SHISA9: variants seen among roughly 807,000 people sequenced by gnomAD.
SHISA9 encodes shisa family member 9.
SHISA9 carries 13 observed loss-of-function variants against 38.0 expected under a neutral mutation model. The observed-to-expected ratio is 0.34, with a 90% CI of 0.22 to 0.54. The LOEUF (loss-of-function observed/expected upper bound fraction) is 0.54, where lower values mean the gene tolerates loss of function less well. Among genes scored for constraint, SHISA9 ranks in the 20% least tolerant of loss-of-function variants. The pLI is 0.91. For synonymous variants in SHISA9, 275 were observed against 242.0 expected, an observed-to-expected ratio of 1.14 and a Z score of -1.27; for missense variants, 538 against 575.8, an observed-to-expected ratio of 0.93 and a Z score of 0.67.
intron 2 of SHISA9, among the ~76,000 whole-genome samples, chr16:12,973,424 A>G (rs896121914): frequency 6.6e-6 from 1 of 152,226 alleles, no homozygotes; most frequent in African/African-American, 2.4e-5. Flanking sequence ...CTTAACTTCC[A>G]TAAAGATATA....
the SHISA9 span, among the ~76,000 whole-genome samples, chr16:13,415,598 G>A: frequency 1.3e-5 from 2 of 152,008 alleles, no homozygotes; most frequent in Non-Finnish European, 2.9e-5. Context: ...GGTTAAATAC[G>A]AATAAAATAA....
chr16:13,324,995 G>A, the SHISA9 span, among the ~76,000 whole-genome samples: 1 of 152,170 alleles, frequency 6.6e-6, no homozygotes, highest in Non-Finnish European at 1.5e-5. Context: ...ATAAAGAAAT[G>A]CTTGAGTTTA....
chr16:13,444,861 A>G, the SHISA9 span, among the ~76,000 whole-genome samples: 1 of 149,478 alleles, frequency 6.7e-6, no homozygotes, highest in African/African-American at 2.5e-5. Context: ...TCTGTCACCC[A>G]GGCTGGAGTG....
chr16:13,486,391 G>A, the SHISA9 span, among the ~76,000 whole-genome samples: 2 of 152,186 alleles, frequency 1.3e-5, no homozygotes, highest in Non-Finnish European at 2.9e-5. Flanking sequence ...TGGCTTCCAA[G>A]AATAATCCTA....
the SHISA9 span, among the ~76,000 whole-genome samples, chr16:13,269,720 G>T: frequency 6.6e-6 from 1 of 152,194 alleles, no homozygotes; most frequent in African/African-American, 2.4e-5. Context: ...ATATACTAGA[G>T]GTGGTATGGA....
chr16:13,037,343 C>G (rs1325194740), intron 2 of SHISA9, among the ~76,000 whole-genome samples: 2 of 151,720 alleles, frequency 1.3e-5, no homozygotes, highest in Non-Finnish European at 2.9e-5. Flanking sequence ...TACAAAATTA[C>G]TTGTCAGGAA....
intron 2 of SHISA9, among the ~76,000 whole-genome samples, chr16:13,033,452 C>T (rs1216272618): frequency 1.3e-5 from 2 of 152,148 alleles, no homozygotes; most frequent in East Asian, 3.9e-4. Flanking sequence ...TTTTCAGAAG[C>T]CTTTCTTTTT....
intron 2 of SHISA9, among the ~76,000 whole-genome samples, chr16:12,974,151 A>G (rs2072123098): frequency 6.6e-6 from 1 of 152,160 alleles, no homozygotes; most frequent in African/African-American, 2.4e-5. Context: ...AGAGAACGGC[A>G]ATGAAGTCCT....
chr16:13,037,991 T>C (rs2073093991), intron 2 of SHISA9, among the ~76,000 whole-genome samples: 1 of 152,146 alleles, frequency 6.6e-6, no homozygotes, highest in African/African-American at 2.4e-5. Flanking sequence ...ATGTTCTGTT[T>C]AATTGTTTCT....
chr16:13,093,844 G>A (rs2073799694), intron 2 of SHISA9, among the ~76,000 whole-genome samples: 1 of 152,182 alleles, frequency 6.6e-6, no homozygotes, highest in South Asian at 2.1e-4. Flanking sequence ...TAGTTCAGAT[G>A]CAATTGTTGC....
At chr16:13,292,813 G>C in the SHISA9 span, among the ~76,000 whole-genome samples, 1 of 152,144 alleles carries the variant, frequency 6.6e-6, no homozygotes, top group South Asian at 2.1e-4. Context: ...AAAAAAATTT[G>C]TCAAGGACCA....
chr16:13,098,213 C>T (rs1226774399), intron 2 of SHISA9, among the ~76,000 whole-genome samples: 2 of 152,104 alleles, frequency 1.3e-5, no homozygotes, highest in Admixed American at 1.3e-4. Context: ...CACTTAGGGC[C>T]TCAGGCAAGC....
chr16:13,050,346 G>T (rs11640645), intron 2 of SHISA9, among the ~76,000 whole-genome samples: 4,445 of 152,018 alleles, frequency 0.029, 98 homozygotes, highest in Non-Finnish European at 0.048. Flanking sequence ...AATTTGAGAT[G>T]AAATTAAATG....
chr16:13,210,551 A>G (rs2051109143), intron 3 of SHISA9, among the ~76,000 whole-genome samples: 3 of 152,354 alleles, frequency 2.0e-5, no homozygotes, highest in African/African-American at 7.2e-5. Context: ...GCAACAATAC[A>G]CTTCAATATG....
the SHISA9 span, among the ~76,000 whole-genome samples, chr16:13,555,750 T>C: frequency 1.3e-5 from 2 of 152,184 alleles, no homozygotes; most frequent in Non-Finnish European, 2.9e-5. Context: ...CCTTGTTCTC[T>C]TCCTGAGGCC....
chr16:13,016,429 G>A (rs1300635281), intron 2 of SHISA9, among the ~76,000 whole-genome samples: 1 of 152,170 alleles, frequency 6.6e-6, no homozygotes, highest in African/African-American at 2.4e-5. Context: ...AATAGAGAAT[G>A]AGTAAGAAAG....
chr16:12,942,289 C>T (rs766967164), intron 2 of SHISA9, among the ~76,000 whole-genome samples: 9 of 152,160 alleles, frequency 5.9e-5, no homozygotes, highest in Non-Finnish European at 1.0e-4. Flanking sequence ...TGAGCTTGCA[C>T]TGAGAGGGAA....
chr16:13,320,439 C>T, the SHISA9 span, among the ~76,000 whole-genome samples: 1 of 151,952 alleles, frequency 6.6e-6, no homozygotes, highest in African/African-American at 2.4e-5. Context: ...ACCATGGCTT[C>T]CTTAACTGTT....
chr16:12,968,952 C>T (rs1004234367), intron 2 of SHISA9, among the ~76,000 whole-genome samples: 10 of 151,810 alleles, frequency 6.6e-5, no homozygotes, highest in African/African-American at 9.7e-5. Flanking sequence ...GTCAGGAGTT[C>T]GAGACCAGCC....
Sources: allele counts gnomAD v4.1 joint callset (sites outside exome capture counted in the v4.1 genomes callset), GRCh38; gene constraint gnomAD v4.1.1; transcripts MANE v1.5; gene names NCBI Gene and HGNC (gene_info 2026-07-23, HGNC 2026-07-21).